The following CDKL5 variants were observed in gnomAD, a reference collection of about 807,000 sequenced individuals.
CDKL5 encodes cyclin dependent kinase like 5, also known as cyclin-dependent kinase-like 5.
CDKL5 carries 8 observed loss-of-function variants against 61.7 expected under a neutral mutation model. The ratio of observed to expected loss-of-function variants is 0.13; its 90% CI spans 0.08 to 0.23. The LOEUF (loss-of-function observed/expected upper bound fraction) is 0.23. Among genes scored for constraint, CDKL5 ranks in the 10% least tolerant of loss-of-function variants. The probability of loss-of-function intolerance (pLI) is 1.00; values close to 1 mark genes in which losing one functional copy is unlikely to be tolerated. For missense variants in CDKL5, 440 were observed against 734.5 expected (o/e 0.60, Z 4.63); for synonymous variants, 275 against 272.3 (o/e 1.01, Z -0.10).
rs199897804 is a variant in CDKL5, at chrX:18,604,645, C to T, written c.1721C>T (p.Pro574Leu). The T allele has an allele frequency of 8.8e-5, 106 of 1,210,356 alleles. No individual in the cohort carries two copies. Among genetic ancestry groups the T allele is most frequent in the Non-Finnish European group, 1.1e-4 (94 of 895,209 alleles). The change falls in exon 12 of 18, where the codon CCG (proline) becomes CTG (leucine). Residue 574 changes from proline (P) to leucine (L), a missense_variant. By Grantham distance (98) the Pro-to-Leu change is moderately conservative. Transcript: ENST00000623535. Reference protein sequence around the residue: ...HSKTMEELKLPEHMDSSHSHS... With the variant: ...HSKTMEELKLLEHMDSSHSHS... Reference sequence around the variant, plus strand: ...AAGACGATGGAGGAATTGAAGCTGCCGGAGCACATGGACAGTAGCCATTCC... The same window carrying T: ...AAGACGATGGAGGAATTGAAGCTGCTGGAGCACATGGACAGTAGCCATTCC...
chrX:18,541,658 G>A lies in CDKL5; in HGVS notation c.100-22819G>A, dbSNP rs372623519. ...GTGATCCTCCACCTCAGCCTCCCAA[G>A]TAGTTGGGACCACAGACGCGCCCAG... On this transcript the variant is annotated intron_variant, in intron 3 of 17. Coordinates refer to ENST00000623535, the MANE Select transcript of CDKL5 (RefSeq NM_001323289.2). 2.5e-4 allele frequency among the ~76,000 whole-genome samples: 28 copies of A among 110,693 alleles called. 1 individual carries two copies. Among genetic ancestry groups the A allele is most frequent in the East Asian group, 2.0e-3 (7 of 3,510 alleles).
chrX:18,440,449 C>A lies in CDKL5; in HGVS notation c.-163+14754C>A, dbSNP rs749923761. ...GTAGGATTGTAGGTGTGAACCACTG[C>A]ACCTGGCCATATCATTTTTTTGTGT... On this transcript the variant is annotated intron_variant, in intron 1 of 17. Coordinates refer to ENST00000623535, the MANE Select transcript of CDKL5 (RefSeq NM_001323289.2). 8.1e-5 allele frequency among the ~76,000 whole-genome samples: 9 copies of A among 111,563 alleles called. No homozygotes were observed. In the South Asian group the frequency reaches 3.4e-3, roughly 42 times the overall value.
chrX:18,513,639 G>A (rs1794621939), intron 3 of CDKL5, among the ~76,000 whole-genome samples: 1 of 111,577 alleles, frequency 9.0e-6, no homozygotes, highest in African/African-American at 3.2e-5. Context: ...ATCACTGGAT[G>A]GAAAATTTAA....
chrX:18,643,753 T>G (rs182130037), downstream of CDKL5, among the ~76,000 whole-genome samples: 4 of 110,871 alleles, frequency 3.6e-5, no homozygotes, highest in African/African-American at 9.8e-5. Context: ...CCTGGGGAAC[T>G]CCTTACTCTT....
intron 14 of CDKL5, among the ~76,000 whole-genome samples, chrX:18,610,857 T>C (rs1926527692): frequency 8.9e-6 from 1 of 112,173 alleles, no homozygotes; most frequent in Non-Finnish European, 1.9e-5. Flanking sequence ...CACAGCTTTC[T>C]AAAGCCTCCT....
intron 21 of CDKL5, among the ~76,000 whole-genome samples, chrX:18,652,615 G>A (rs1453884588): frequency 9.0e-6 from 1 of 111,208 alleles, no homozygotes; most frequent in Non-Finnish European, 1.9e-5. Flanking sequence ...CTTGCAGTGA[G>A]CCAAGATCGT....
chrX:18,581,625 A>C (rs1304404755), intron 6 of CDKL5, among the ~76,000 whole-genome samples: 2 of 111,886 alleles, frequency 1.8e-5, no homozygotes, highest in Non-Finnish European at 3.8e-5. Context: ...TATTCTTAAA[A>C]TTCTTTCAGA....
intron 9 of CDKL5, among the ~76,000 whole-genome samples, chrX:18,591,685 T>C (rs1400887699): frequency 9.0e-6 from 1 of 111,730 alleles, no homozygotes; most frequent in East Asian, 2.8e-4. Flanking sequence ...TTTGGCCACA[T>C]TGAACCTCTC....
At chrX:18,479,482 G>T (rs1338535065) in intron 1 of CDKL5, among the ~76,000 whole-genome samples, 4 of 108,786 alleles carry the variant, frequency 3.7e-5, no homozygotes, top group South Asian at 4.0e-4. Context: ...ACCATGCCTG[G>T]CTAATTTTTT....
intron 1 of CDKL5, among the ~76,000 whole-genome samples, chrX:18,446,817 C>A (rs1931890813): frequency 8.9e-6 from 1 of 111,896 alleles, no homozygotes. Flanking sequence ...GCCTCCACTT[C>A]ACTGAGAACT....
At chrX:18,500,230 A>G (rs946652909) in intron 1 of CDKL5, among the ~76,000 whole-genome samples, 12 of 111,986 alleles carry the variant, frequency 1.1e-4, no homozygotes, top group East Asian at 5.6e-4. Flanking sequence ...CAAGCATACA[A>G]TATGTAATGA....
At chrX:18,507,218 A>G (rs1922610252) in intron 2 of CDKL5, 58 bp downstream of exon 2, 1 of 794,572 alleles carries the variant, frequency 1.3e-6, no homozygotes, top group Admixed American at 2.2e-5. Flanking sequence ...AGTTATTCCT[A>G]CCACCAAAAA....
chrX:18,621,284 G>A (rs1926882495), intron 16 of CDKL5, among the ~76,000 whole-genome samples: 1 of 111,664 alleles, frequency 9.0e-6, no homozygotes, highest in African/African-American at 3.3e-5. Flanking sequence ...CCTGAAGTAA[G>A]CATTTTTATC....
chrX:18,606,817 C>T (rs1926381579), intron 12 of CDKL5, among the ~76,000 whole-genome samples: 1 of 111,723 alleles, frequency 9.0e-6, no homozygotes, highest in Admixed American at 9.5e-5. Context: ...AATTCAAGCA[C>T]GAGGTGAAGA....
chrX:18,492,085 A>G (rs1369495547), intron 1 of CDKL5, among the ~76,000 whole-genome samples: 2 of 111,380 alleles, frequency 1.8e-5, no homozygotes, highest in Non-Finnish European at 3.8e-5. Context: ...TTGGTTTCCA[A>G]TTTGATATAT....
Position 18,546,070 on chromosome X carries a change from G to A in CDKL5, c.100-18407G>A, listed in dbSNP as rs1243394221. On this transcript the variant is annotated intron_variant, in intron 3 of 17. Coordinates refer to ENST00000623535, the MANE Select transcript of CDKL5 (RefSeq NM_001323289.2). ...TACAGAGTGACCACACTCCAGAAAG[G>A]AAAGGCTTATTATGGTGGCACAGAA... 3.6e-5 allele frequency among the ~76,000 whole-genome samples: 4 copies of A among 110,709 alleles called. No individual in the cohort carries two copies. The South Asian group carries it at 1.2e-3, about 32-fold the overall frequency.
At chrX:18,484,331 G>C (rs751447117) in intron 1 of CDKL5, among the ~76,000 whole-genome samples, 30 of 109,352 alleles carry the variant, frequency 2.7e-4, no homozygotes, top group African/African-American at 9.7e-4. Context: ...TTTTTTTTGG[G>C]GGGGGGACAG....
At chrX:18,452,036 G>T (rs1307480900) in intron 1 of CDKL5, among the ~76,000 whole-genome samples, 2 of 112,001 alleles carry the variant, frequency 1.8e-5, no homozygotes, top group Non-Finnish European at 3.8e-5. Context: ...TCTGGTTTCT[G>T]TAACAACTGC....
chrX:18,478,785 A>G (rs1185427436), intron 1 of CDKL5, among the ~76,000 whole-genome samples: 1 of 105,213 alleles, frequency 9.5e-6, no homozygotes, highest in Non-Finnish European at 1.9e-5. Flanking sequence ...ATCTTGGCTC[A>G]CTGCAACCTC....
Sources: allele counts gnomAD v4.1 joint callset (sites outside exome capture counted in the v4.1 genomes callset), GRCh38; gene constraint gnomAD v4.1.1; transcripts MANE v1.5; gene names NCBI Gene and HGNC (gene_info 2026-07-23, HGNC 2026-07-21).